PDE12: variants seen among roughly 807,000 people sequenced by gnomAD.
PDE12 encodes 2',5'-phosphodiesterase 12.
PDE12 carries 26 observed loss-of-function variants against 45.4 expected under a neutral mutation model. That is an observed-to-expected ratio of 0.57 (90% CI 0.42 to 0.79). The LOEUF (loss-of-function observed/expected upper bound fraction) is 0.79, where lower values mean the gene tolerates loss of function less well. Ranked by LOEUF, PDE12 falls within the 30% of genes least tolerant of loss-of-function variation. PDE12 has a pLI of 0.00. For synonymous variants in PDE12, 283 were observed against 323.9 expected, an observed-to-expected ratio of 0.87 and a Z score of 1.36; for missense variants, 668 against 790.0, an observed-to-expected ratio of 0.85 and a Z score of 1.85.
At chr3:57,617,765 G>A in the PDE12 span, among the ~76,000 whole-genome samples, 3 of 151,942 alleles carry the variant, frequency 2.0e-5, no homozygotes, top group Non-Finnish European at 4.4e-5. Context: ...TACCAGGAAG[G>A]CTGAGGTCGG....
chr3:57,614,074 T>G, the PDE12 span, among the ~76,000 whole-genome samples: 3 of 152,128 alleles, frequency 2.0e-5, no homozygotes, highest in Admixed American at 6.6e-5. Flanking sequence ...ACAATTATTA[T>G]AGTCAAGAGA....
At position 57,561,995 on chromosome 3, in the gene PDE12, ACAG is replaced by A. The variant is rs1390038333; in HGVS notation, c.*1995_*1997del. ...AAATAACATTTTTGAGAGCATTTTA[ACAG>A]CAGTTTACAAATATGTAAATAATAG... On this transcript the variant is annotated 3_prime_UTR_variant, in exon 3 of 3. Transcript: ENST00000311180. 27 of 983,652 alleles carry A rather than the reference ACAG, an allele frequency of 2.7e-5. No homozygotes were observed. In the African/African-American group the frequency reaches 4.5e-4, roughly 17 times the overall value. The allele number at this position is 983,652 out of a possible 1,614,324, so 60.9% of individuals were successfully genotyped here.
chr3:57,607,883 A>G, the PDE12 span, among the ~76,000 whole-genome samples: 1 of 152,200 alleles, frequency 6.6e-6, no homozygotes, highest in Admixed American at 6.5e-5. Flanking sequence ...GGAAATACAC[A>G]GAACGCCACA....
At chr3:57,569,648 A>G (rs932364568), downstream of PDE12, among the ~76,000 whole-genome samples, 3 of 151,710 alleles carry the variant, frequency 2.0e-5, no homozygotes, top group Admixed American at 6.6e-5. Context: ...GAGCCACCCC[A>G]CCCAGCCTAA....
the PDE12 span, chr3:57,584,209 C>T: frequency 5.4e-6 from 4 of 741,106 alleles, no homozygotes; most frequent in Admixed American, 2.9e-5. Flanking sequence ...GCAATCCACC[C>T]GCCTCGGCCT....
At chr3:57,568,736 G>T (rs1291866636), downstream of PDE12, among the ~76,000 whole-genome samples, 1 of 150,992 alleles carries the variant, frequency 6.6e-6, no homozygotes, top group Non-Finnish European at 1.5e-5. Flanking sequence ...TCAATGGAGG[G>T]TATATAAGGT....
At chr3:57,615,583 C>G in the PDE12 span, among the ~76,000 whole-genome samples, 1 of 151,846 alleles carries the variant, frequency 6.6e-6, no homozygotes. Flanking sequence ...GCGGGTGGAT[C>G]ATTTGAGGTC....
chr3:57,625,315 C>T, the PDE12 span: 2 of 152,238 alleles, frequency 1.3e-5, no homozygotes, highest in East Asian at 1.9e-4. Flanking sequence ...GTGAAGTACA[C>T]AGGGTTTTCA....
chr3:57,597,852 G>GT, the PDE12 span: 3 of 152,294 alleles, frequency 2.0e-5, no homozygotes, highest in Non-Finnish European at 4.4e-5. Flanking sequence ...GCTTGCTTTA[G>GT]TTGACGCATG....
In PDE12 at chr3:57,556,398, G is replaced by C. The variant is rs1485972772; in HGVS notation, c.19G>C (p.Ala7Pro). Residue 7 changes from alanine (A) to proline (P), a missense_variant, in exon 1 of 3, where the codon GCC (alanine) becomes CCC (proline). Physicochemically the swap from Ala to Pro is conservative, Grantham distance 27 (BLOSUM62 -1). Transcript: ENST00000311180. This position sits in a 1 kb window ranked among gnomAD's most constrained non-coding sequence, Gnocchi z 5.0. MWRLPG[A>P]RAALRVIRTA... The stretch of plus-strand genomic sequence containing the variant: ...CAGGTTCATGTGGAGGCTCCCAGGC[G>C]CCCGCGCCGCGCTTCGGGTGATCCG... 1.3e-6 allele frequency: 2 copies of C among 1,591,784 alleles called. No individual in the cohort carries two copies. Among genetic ancestry groups the C allele is most frequent in the South Asian group, 2.2e-5 (2 of 88,988 alleles).
Position 57,566,675 on chromosome 3 carries a change from T to A in PDE12, c.*6671T>A, listed in dbSNP as rs2069788889. ...CCTAGTGTCAAGTGGCATCTTATTG[T>A]GGTTTTGATTTGCATTTCCATGATG... On this transcript the variant is annotated 3_prime_UTR_variant, in exon 3 of 3. Transcript: ENST00000311180. The A allele has an allele frequency of 1.3e-5, 2 of 152,206 alleles. No homozygotes were observed. 9.4% of individuals were successfully genotyped at this position (152,206 alleles called of 1,614,324 possible).
chr3:57,567,141 CT>C, downstream of PDE12, among the ~76,000 whole-genome samples: 1 of 152,128 alleles, frequency 6.6e-6, no homozygotes, highest in South Asian at 2.1e-4. Context: ...GAACCTCCGT[CT>C]CTACTAAAAA....
rs2069711077 is a variant in PDE12 at position 57,560,043 on chromosome 3, G to A, written c.*39G>A. ...GGAATTGAAGTCTGAAAAGGAAGTA[G>A]TTATTTTAGCAGAAAATTTAATATG... On this transcript the variant is annotated 3_prime_UTR_variant, in exon 3 of 3. Coordinates refer to ENST00000311180, the MANE Select transcript of PDE12 (RefSeq NM_177966.7). The A allele has an allele frequency of 6.5e-7, 1 of 1,544,824 alleles. No homozygotes were observed. The highest frequency in any genetic ancestry group is 8.7e-7 in the Non-Finnish European group (1 of 1,154,240).
In PDE12 at chr3:57,564,985, C is replaced by T. The variant is rs1398101399; in HGVS notation, c.*4981C>T. 3 of 151,232 alleles carry T rather than the reference C, an allele frequency of 2.0e-5. No homozygotes were observed. Among genetic ancestry groups the T allele is most frequent in the African/African-American group, 7.3e-5 (3 of 41,038 alleles). The allele number at this position is 151,232 out of a possible 1,614,324, so 9.4% of individuals were successfully genotyped here. Reference sequence around the variant, plus strand: ...CATGAGCCACCCCACCCAGTCAGCACACATTTTTTTTTTTTTTAAATAAGA... The same window carrying T: ...CATGAGCCACCCCACCCAGTCAGCATACATTTTTTTTTTTTTTAAATAAGA... On this transcript the variant is annotated 3_prime_UTR_variant, in exon 3 of 3. Transcript: ENST00000311180.
chr3:57,570,219 G>GTTTTTTTTTTTTTTTT (rs34599005), downstream of PDE12, among the ~76,000 whole-genome samples: 14 of 102,326 alleles, frequency 1.4e-4, 2 homozygotes, highest in African/African-American at 5.4e-4. Context: ...TTAATCCAGT[G>GTTTTTTTTTTTTTTTT]TTTTTTTTTT....
chr3:57,593,158 C>T, the PDE12 span, among the ~76,000 whole-genome samples: 3 of 152,142 alleles, frequency 2.0e-5, no homozygotes, highest in Non-Finnish European at 4.4e-5. Context: ...GAGCTATGAT[C>T]ATGCCACCTG....
chr3:57,643,527 G>A, the PDE12 span, among the ~76,000 whole-genome samples: 1 of 152,082 alleles, frequency 6.6e-6, no homozygotes, highest in South Asian at 2.1e-4. Flanking sequence ...CATGGGTACA[G>A]ATAAGACTGT....
the PDE12 span, among the ~76,000 whole-genome samples, chr3:57,631,716 CTT>C: frequency 0.05 from 4,607 of 91,654 alleles, 38 homozygotes; most frequent in Non-Finnish European, 0.075. Flanking sequence ...TCTCTGCTCT[CTT>C]TTTTTTTTTT....
downstream of PDE12, among the ~76,000 whole-genome samples, chr3:57,570,376 C>CTTT (rs1241352591): frequency 9.0e-3 from 1,158 of 128,890 alleles, 16 homozygotes; most frequent in African/African-American, 0.033. Flanking sequence ...ACACCAGACC[C>CTTT]TTTTTTTTTT....
Sources: gnomAD v4.1 joint callset for allele counts (sites outside exome capture counted in the v4.1 genomes callset) on GRCh38, gnomAD v4.1.1 for gene constraint, Gnocchi (gnomAD v3.1) non-coding constraint, MANE v1.5 for transcripts, NCBI Gene and HGNC (gene_info 2026-07-23, HGNC 2026-07-21) for gene names.